PPRC1: variants seen among roughly 807,000 people sequenced by gnomAD.
The protein encoded by PPRC1 is peroxisome proliferator-activated receptor gamma coactivator-related protein 1.
PPRC1 carries 23 observed loss-of-function variants against 132.5 expected under a neutral mutation model. The observed-to-expected ratio is 0.17, with a 90% confidence interval of 0.12 to 0.25. The LOEUF is 0.25. Ranked by LOEUF, PPRC1 falls within the 10% of genes least tolerant of loss-of-function variation. The pLI is 1.00. For missense variants in PPRC1, 2,006 were observed against 2,089.1 expected (o/e 0.96, Z 0.78); for synonymous variants, 872 against 833.5 (o/e 1.05, Z -0.80).
At chr10:102,127,072 TTAAA>T in the PPRC1 span, among the ~76,000 whole-genome samples, 3 of 73,532 alleles carry the variant, frequency 4.1e-5, no homozygotes, top group Non-Finnish European at 8.4e-5. Context: ...TATATATAAA[TTAAA>T]AAAAAATTGA....
chr10:102,120,928 T>C, the PPRC1 span, among the ~76,000 whole-genome samples: 2 of 149,726 alleles, frequency 1.3e-5, no homozygotes, highest in African/African-American at 5.1e-5. Flanking sequence ...ACGCCAGCCT[T>C]CTTCTGGAGG....
intron 8 of PPRC1, among the ~76,000 whole-genome samples, chr10:102,145,603 G>T (rs1200850170): frequency 6.6e-6 from 1 of 150,558 alleles, no homozygotes; most frequent in Non-Finnish European, 1.5e-5. Flanking sequence ...GGTGGCCCAC[G>T]CCTGTAATCC....
the PPRC1 span, among the ~76,000 whole-genome samples, chr10:102,121,615 A>C: frequency 1.3e-5 from 2 of 152,020 alleles, no homozygotes; most frequent in Admixed American, 1.3e-4. Context: ...AGCCAGGAGG[A>C]GGGAAGGGAG....
intron 1 of PPRC1, among the ~76,000 whole-genome samples, chr10:102,137,002 G>A (rs776850743): frequency 2.6e-5 from 4 of 152,200 alleles, no homozygotes; most frequent in Non-Finnish European, 5.9e-5. Context: ...CCCTTCCCTT[G>A]GAATTACCAT....
Position 102,133,085 on chromosome 10 carries a change from G to T in PPRC1, c.17G>T (p.Gly6Val). Reference sequence around the variant, plus strand: ...GGGGCCAAGATGGCGGCGCGCCGGGGACGGAGAGACGGAGTCGCGCCGCCC... The same window carrying T: ...GGGGCCAAGATGGCGGCGCGCCGGGTACGGAGAGACGGAGTCGCGCCGCCC... MAARR[G>V]RRDGVAPPPS... The change falls in exon 1 of 14, where the codon GGA (glycine) becomes GTA (valine). Residue 6 changes from glycine to valine, a missense_variant. This residue lies in a region of PPRC1 where 1,914 missense variants were observed against 1,917.2 expected (regional missense o/e 1.00). Coordinates refer to ENST00000278070, the MANE Select transcript of PPRC1 (RefSeq NM_015062.5). The T allele has an allele frequency of 1.6e-6, 2 of 1,242,920 alleles. No individual in the cohort carries two copies. The highest frequency in any genetic ancestry group is 2.0e-6 in the Non-Finnish European group (2 of 988,028). 77.0% of individuals were successfully genotyped at this position (1,242,920 alleles called of 1,614,324 possible).
At chr10:102,132,314 G>C (rs1240459333), upstream of PPRC1, among the ~76,000 whole-genome samples, 1 of 152,218 alleles carries the variant, frequency 6.6e-6, no homozygotes, top group Admixed American at 6.5e-5. Flanking sequence ...GAAGAGTAGA[G>C]ACAGTGATGG....
At position 102,133,047 on chromosome 10, in the gene PPRC1, C is replaced by T; in HGVS notation, c.-22C>T. 1 of 1,240,182 alleles carries T rather than the reference C, an allele frequency of 8.1e-7. No individual in the cohort carries two copies. The highest frequency in any genetic ancestry group is 1.5e-5 in the African/African-American group (1 of 64,534). The allele number at this position is 1,240,182 out of a possible 1,614,324, so 76.8% of individuals were successfully genotyped here. A position where few individuals can be genotyped will look rare whatever the true frequency, so the allele number is the denominator to read the frequency against. ...GAGGCGGCGCCAGCGATCAGAGCAG[C>T]GCTGGGTGTTCAGGGGCCAAGATGG... On this transcript the variant is annotated 5_prime_UTR_variant, in exon 1 of 14. Transcript: ENST00000278070.
upstream of PPRC1, among the ~76,000 whole-genome samples, chr10:102,130,416 C>CAAAAAAAA (rs1203599289): frequency 6.3e-5 from 1 of 15,970 alleles, no homozygotes; most frequent in Non-Finnish European, 1.5e-4. Context: ...GAATCCTTCT[C>CAAAAAAAA]AAAAAAAAAA....
chr10:102,142,956 G>A, intron 5 of PPRC1, 89 bp from the exon 6 acceptor site: 1 of 1,167,608 alleles, frequency 8.6e-7, no homozygotes, highest in Non-Finnish European at 1.3e-6. Context: ...AGTGGAAAGG[G>A]AGAAGTGAGA....
In PPRC1 at chr10:102,140,678, C is replaced by A. The variant is rs1028952565; in HGVS notation, c.2170C>A (p.Pro724Thr). 1 of 1,614,024 alleles carries A rather than the reference C, an allele frequency of 6.2e-7. No homozygotes were observed. Among genetic ancestry groups the A allele is most frequent in the African/African-American group, 1.3e-5 (1 of 75,012 alleles). The change falls in exon 5 of 14, where the codon CCT becomes ACT. Residue 724 changes from proline to threonine, a missense_variant. Around this residue, in one of 2 missense-constraint regions of PPRC1, gnomAD observed 1,914 missense variants for 1,917.2 expected, o/e 1.00. Coordinates refer to ENST00000278070, the MANE Select transcript of PPRC1 (RefSeq NM_015062.5). ...CTTGGACCCACCAAAGACCATCATC[C>A]CTGAAGTCAAAGAGGTTGTGGATTC... ...ESLDPPKTII[P>T]EVKEVVDSLK...
chr10:102,146,691 C>T lies in PPRC1; in HGVS notation c.3699C>T (p.Thr1233=), dbSNP rs755058363. 28 of 1,611,296 alleles carry T rather than the reference C, an allele frequency of 1.7e-5. No individual in the cohort carries two copies. The highest frequency in any genetic ancestry group is 2.4e-5 in the Non-Finnish European group (28 of 1,178,596). ...CCACAGGGCTCACCCCTCCAGCTAC[C>T]CCTCCCCACCAGTTATGGAAGCCCC... The part of the protein sequence containing the change: ...ANVAGLTPPA[T]PPHQLWKPLA... The change falls in exon 9 of 14, where the codon ACC becomes ACT. Residue 1233 remains threonine (T), a synonymous_variant. Transcript: ENST00000278070.
At chr10:102,138,786 A>G in intron 3 of PPRC1, 21 bp downstream of exon 3, 1 of 1,614,024 alleles carries the variant, frequency 6.2e-7, no homozygotes. Flanking sequence ...GACCAGGGGA[A>G]GGGGATTAGT....
At chr10:102,135,856 A>G (rs1362446601) in intron 1 of PPRC1, among the ~76,000 whole-genome samples, 1 of 152,170 alleles carries the variant, frequency 6.6e-6, no homozygotes, top group Non-Finnish European at 1.5e-5. Flanking sequence ...TTTTGAAGTT[A>G]GAGGTGCTGA....
the PPRC1 span, among the ~76,000 whole-genome samples, chr10:102,127,596 C>T: frequency 0.044 from 6,730 of 151,694 alleles, 198 homozygotes; most frequent in Non-Finnish European, 0.061. Context: ...TTAGTAGAGA[C>T]GGGGTTTCAC....
At chr10:102,145,366 G>A (rs1260634840) in intron 8 of PPRC1, among the ~76,000 whole-genome samples, 1 of 152,050 alleles carries the variant, frequency 6.6e-6, no homozygotes, top group East Asian at 1.9e-4. Context: ...TCAGGAGTTC[G>A]AGACCAGCCT....
the PPRC1 span, among the ~76,000 whole-genome samples, chr10:102,125,955 C>T: frequency 4.6e-5 from 7 of 151,586 alleles, no homozygotes; most frequent in African/African-American, 9.7e-5. Context: ...CTCCGCCTCC[C>T]GGGTTCAAGC....
At chr10:102,127,345 G>A in the PPRC1 span, among the ~76,000 whole-genome samples, 1 of 151,958 alleles carries the variant, frequency 6.6e-6, no homozygotes, top group Admixed American at 6.6e-5. Flanking sequence ...CTGCACTCCA[G>A]CCTGGGCAGC....
chr10:102,127,336 T>C, the PPRC1 span, among the ~76,000 whole-genome samples: 1 of 151,978 alleles, frequency 6.6e-6, no homozygotes, highest in Non-Finnish European at 1.5e-5. Flanking sequence ...ACCACGCCAC[T>C]GCACTCCAGC....
rs749414910 is a variant in PPRC1, at chr10:102,144,974, A to G, written c.3609-46A>G. The G allele has an allele frequency of 4.1e-6, 6 of 1,462,390 alleles. No homozygotes were observed. In the Admixed American group the frequency reaches 1.2e-4, roughly 30 times the overall value. The allele number at this position is 1,462,390 out of a possible 1,614,324, so 90.6% of individuals were successfully genotyped here. On this transcript the variant is annotated intron_variant, in intron 7 of 13. Transcript: ENST00000278070. Reference sequence around the variant, plus strand: ...TCTGAGAAAGGCAAATGTATAAGATATTGAGAAGGCAATGAATCAGGCTTT... The same window carrying G: ...TCTGAGAAAGGCAAATGTATAAGATGTTGAGAAGGCAATGAATCAGGCTTT...
Sources: allele counts gnomAD v4.1 joint callset (sites outside exome capture counted in the v4.1 genomes callset), GRCh38; gene constraint gnomAD v4.1.1; regional missense constraint gnomAD v4.1.1; transcripts MANE v1.5; gene names NCBI Gene and HGNC (gene_info 2026-07-23, HGNC 2026-07-21).